Variants in PLEKHG4B observed in about 807,000 individuals in gnomAD.
PLEKHG4B encodes pleckstrin homology and RhoGEF domain containing G4B, also known as pleckstrin homology domain-containing family G member 4B.
PLEKHG4B carries 111 observed loss-of-function variants against 121.3 expected under a neutral mutation model. The ratio of observed to expected loss-of-function variants is 0.92; its 90% CI spans 0.78 to 1.07. The LOEUF (loss-of-function observed/expected upper bound fraction) is 1.07, where lower values mean the gene tolerates loss of function less well. Among genes scored for constraint, PLEKHG4B ranks in the 50% least tolerant of loss-of-function variants. The probability of loss-of-function intolerance (pLI) is 0.00; values close to 1 mark genes in which losing one functional copy is unlikely to be tolerated. For missense variants in PLEKHG4B, 1,831 were observed against 1,757.8 expected (o/e 1.04, Z -0.74); for synonymous variants, 738 against 725.0 (o/e 1.02, Z -0.29).
At chr5:175,601 C>T (rs1021097032) in intron 18 of PLEKHG4B, among the ~76,000 whole-genome samples, 13 of 150,512 alleles carry the variant, frequency 8.6e-5, no homozygotes, top group Non-Finnish European at 1.2e-4. Context: ...GGCTGCACCC[C>T]GCCTGAGCCC....
chr5:99,022 G>T (rs1367608134), intron 1 of PLEKHG4B, among the ~76,000 whole-genome samples: 2 of 146,046 alleles, frequency 1.4e-5, no homozygotes, highest in African/African-American at 2.5e-5. Flanking sequence ...TGGGTGTGGT[G>T]CTGTGCACCT....
rs1733732263 is a variant in PLEKHG4B, at chr5:99,277, A to G, written c.45+7001A>G. Among the ~76,000 whole-genome samples, 4 of 148,934 alleles carry G rather than the reference A, an allele frequency of 2.7e-5. No individual in the cohort carries two copies. The South Asian group carries it at 8.4e-4, about 31-fold the overall frequency. On this transcript the variant is annotated intron_variant, in intron 1 of 19. Transcript: ENST00000637938. ...GAGGATCATCTTTTTCATTTCTGCA[A>G]GAAAGACCGTTGCAGTTTTGATAGG...
Position 163,482 on chromosome 5 carries a change from G to C in PLEKHG4B, c.3410G>C (p.Ser1137Thr), listed in dbSNP as rs866103693. ...GCCAGGAGCCCCCCGGTCACTCAGA[G>C]CCGGAGTCTGTCCTCCCCCTCGGGG... ...QHARSPPVTQ[S>T]RSLSSPSGLH... Residue 1137 changes from serine to threonine, a missense_variant, in exon 13 of 20, where the codon AGC (serine) becomes ACC (threonine). Physicochemically the swap from Ser to Thr is moderately conservative, Grantham distance 58. Coordinates refer to ENST00000637938, the MANE Select transcript of PLEKHG4B (RefSeq NM_052909.5). 3 of 1,612,684 alleles carry C rather than the reference G, an allele frequency of 1.9e-6. No individual in the cohort carries two copies. Among genetic ancestry groups the C allele is most frequent in the Admixed American group, 3.3e-5 (2 of 60,008 alleles).
intron 2 of PLEKHG4B, among the ~76,000 whole-genome samples, chr5:135,121 G>A (rs1278884758): frequency 1.4e-5 from 2 of 147,606 alleles, no homozygotes; most frequent in African/African-American, 5.1e-5. Flanking sequence ...CCAGGAGGTG[G>A]AGCTTGCAGT....
Position 183,974 on chromosome 5 carries a change from TAG to T in PLEKHG4B, c.*1653_*1654del, listed in dbSNP as rs1491393180. 1.5e-5 allele frequency: 1 copy of T among 65,498 alleles called. No homozygotes were observed. Among genetic ancestry groups the T allele is most frequent in the Non-Finnish European group, 3.3e-5 (1 of 30,274 alleles). The allele number at this position is 65,498 out of a possible 1,614,324, so 4.1% of individuals were successfully genotyped here. On this transcript the variant is annotated 3_prime_UTR_variant, in exon 20 of 20. Transcript: ENST00000637938. ...ATAGCTAGATATATATACAGACAGA[TAG>T]ATAGATAGATAGATCGATAGATAGA...
In PLEKHG4B at chr5:161,785, A is replaced by G; in HGVS notation, c.2490A>G (p.Gln830=). ...GATGCTTTGTTCCTTGGGTACAGCA[A>G]TCCTGCCAGAAAGGACTACAGCTGG... The part of the protein sequence containing the change: ...LASLLEGNDQ[Q]SCQKGLQLAK... The change falls in exon 12 of 20, where the codon CAA becomes CAG. Residue 830 remains glutamine (Q), a splice_region_variant and synonymous_variant. Coordinates refer to ENST00000637938, the MANE Select transcript of PLEKHG4B (RefSeq NM_052909.5). 3 of 1,613,592 alleles carry G rather than the reference A, an allele frequency of 1.9e-6. No homozygotes were observed. Among genetic ancestry groups the G allele is most frequent in the Non-Finnish European group, 1.7e-6 (2 of 1,180,000 alleles).
Position 156,818 on chromosome 5 carries a change from G to A in PLEKHG4B, c.2394G>A (p.Glu798=). Residue 798 remains glutamate (E), a synonymous_variant, in exon 11 of 20, where the codon GAG becomes GAA. Coordinates refer to ENST00000637938, the MANE Select transcript of PLEKHG4B (RefSeq NM_052909.5). The surrounding 1 kb of genome is among the most constrained non-coding windows in gnomAD (Gnocchi z 4.4). The part of the protein sequence containing the change: ...AATSLYDRVD[E]EVHRLVLTSN... ...CAAGCCTGTACGACCGAGTGGATGA[G>A]GAGGTGCACAGGCTGGTCCTCACCT... 1.3e-6 allele frequency: 2 copies of A among 1,586,716 alleles called. No individual in the cohort carries two copies. The highest frequency in any genetic ancestry group is 2.3e-5 in the South Asian group (2 of 86,776).
At chr5:128,375 T>G (rs1255237425) in intron 2 of PLEKHG4B, among the ~76,000 whole-genome samples, 1 of 152,170 alleles carries the variant, frequency 6.6e-6, no homozygotes, top group Non-Finnish European at 1.5e-5. Flanking sequence ...AAAAACCACA[T>G]GATGAGAATT....
intron 2 of PLEKHG4B, among the ~76,000 whole-genome samples, chr5:136,908 C>T (rs1487467578): frequency 1.3e-5 from 2 of 152,112 alleles, no homozygotes. Context: ...TTTGTATACC[C>T]GTGTTGATAG....
chr5:178,205 T>C (rs985077461), intron 18 of PLEKHG4B, among the ~76,000 whole-genome samples: 2 of 152,198 alleles, frequency 1.3e-5, no homozygotes, highest in Admixed American at 1.3e-4. Context: ...ATTAACACTT[T>C]AGTGCAGCAG....
At chr5:166,700 G>T (rs887603051) in intron 13 of PLEKHG4B, among the ~76,000 whole-genome samples, 3 of 152,190 alleles carry the variant, frequency 2.0e-5, no homozygotes, top group Non-Finnish European at 4.4e-5. Flanking sequence ...TGGCCCTGGG[G>T]GTTGGAGGCC....
intron 11 of PLEKHG4B, among the ~76,000 whole-genome samples, chr5:160,788 A>G (rs1169309790): frequency 6.6e-6 from 1 of 151,884 alleles, no homozygotes; most frequent in Non-Finnish European, 1.5e-5. Flanking sequence ...CGATTTTTCC[A>G]CAAAGTTGGA....
intron 11 of PLEKHG4B, among the ~76,000 whole-genome samples, chr5:161,149 G>A (rs1024977929): frequency 6.6e-6 from 1 of 152,210 alleles, no homozygotes; most frequent in Non-Finnish European, 1.5e-5. Context: ...AGCAGTAAAT[G>A]CCTCCAAAAT....
rs150421986 is a variant in PLEKHG4B at position 169,353 on chromosome 5, C to T, written c.3490C>T (p.His1164Tyr). ...TGTGTCTTCCAGCAGCCGACTGAGG[C>T]ACATCATGGCCGAGATGATCGCCAC... ...RQQVGSSRLR[H>Y]IMAEMIATER... The change falls in exon 14 of 20, where the codon CAC becomes TAC. Residue 1164 changes from histidine to tyrosine, a missense_variant. By Grantham distance (83) the His-to-Tyr change is moderately conservative. Transcript: ENST00000637938. 2.7e-4 allele frequency: 441 copies of T among 1,613,914 alleles called. No individual in the cohort carries two copies. Among genetic ancestry groups the T allele is most frequent in the Non-Finnish European group, 3.6e-4 (429 of 1,180,000 alleles).
intron 1 of PLEKHG4B, among the ~76,000 whole-genome samples, chr5:109,995 C>T (rs1248187633): frequency 6.6e-6 from 1 of 150,894 alleles, no homozygotes; most frequent in Admixed American, 6.6e-5. Context: ...AACACACATG[C>T]ATACACCCAC....
intron 2 of PLEKHG4B, among the ~76,000 whole-genome samples, chr5:134,650 G>A (rs1459618540): frequency 6.6e-6 from 1 of 151,466 alleles, no homozygotes; most frequent in Non-Finnish European, 1.5e-5. Context: ...CCTGTAATCC[G>A]AGCTACTCGG....
intron 11 of PLEKHG4B, among the ~76,000 whole-genome samples, chr5:158,696 G>A (rs1277768999): frequency 3.0e-5 from 4 of 133,096 alleles, no homozygotes; most frequent in African/African-American, 1.2e-4. Context: ...CCCTCTGCCT[G>A]TCCTGGGGGG....
chr5:162,916 C>A lies in PLEKHG4B; in HGVS notation c.2844C>A (p.Pro948=), dbSNP rs576566435. 2.7e-5 allele frequency: 42 copies of A among 1,543,126 alleles called. No individual in the cohort carries two copies. The South Asian group carries it at 5.0e-4, about 18-fold the overall frequency. The change falls in exon 13 of 20, where the codon CCC becomes CCA. Residue 948 remains proline (P), a synonymous_variant. Transcript: ENST00000637938. ...ASQQDLWLQY[P]QTRLRLEEAL... ...AGCAAGACCTGTGGCTGCAGTACCCCCAGACCCGGCTCCGTCTGGAAGAGG... is the reference window on the plus strand; with the variant it reads ...AGCAAGACCTGTGGCTGCAGTACCCACAGACCCGGCTCCGTCTGGAAGAGG...
chr5:156,508 C>G lies in PLEKHG4B; in HGVS notation c.2349-265C>G, dbSNP rs1388823804. On this transcript the variant is annotated intron_variant, in intron 10 of 19. Transcript: ENST00000637938. This position sits in a 1 kb window ranked among gnomAD's most constrained non-coding sequence, Gnocchi z 4.4. ...TGTGCCCACCCCCAGCAGTCCCTGT[C>G]CATCTCAGCTGCACACAGCCAGTCC... 6.6e-6 allele frequency among the ~76,000 whole-genome samples: 1 copy of G among 152,004 alleles called. No homozygotes were observed. Among genetic ancestry groups the G allele is most frequent in the Non-Finnish European group, 1.5e-5 (1 of 67,996 alleles).
Sources: allele counts gnomAD v4.1 joint callset (sites outside exome capture counted in the v4.1 genomes callset), GRCh38; gene constraint gnomAD v4.1.1; non-coding constraint Gnocchi (gnomAD v3.1); transcripts MANE v1.5; gene names NCBI Gene and HGNC (gene_info 2026-07-23, HGNC 2026-07-21).